Variants in PDE4D observed in about 807,000 individuals in gnomAD.
PDE4D encodes phosphodiesterase 4D.
Under a neutral mutation model 87.4 loss-of-function variants are expected in PDE4D, and 24 were observed. The observed-to-expected ratio is 0.27, with a 90% CI of 0.20 to 0.39. The LOEUF (loss-of-function observed/expected upper bound fraction) is 0.39. Among genes scored for constraint, PDE4D ranks in the 10% least tolerant of loss-of-function variants. The pLI, the probability that PDE4D is intolerant of heterozygous loss-of-function variation, is 1.00. For synonymous variants in PDE4D, 384 were observed against 383.2 expected, an observed-to-expected ratio of 1.00 and a Z score of -0.02; for missense variants, 714 against 1,041.0, an observed-to-expected ratio of 0.69 and a Z score of 4.32.
chr5:59,736,129 A>T (rs1286180046), intron 1 of PDE4D, among the ~76,000 whole-genome samples: 2 of 151,854 alleles, frequency 1.3e-5, no homozygotes, highest in Non-Finnish European at 2.9e-5. Flanking sequence ...TAATAATAAT[A>T]AATTAATTAA....
At chr5:59,223,476 C>T (rs1308453006) in intron 1 of PDE4D, among the ~76,000 whole-genome samples, 1 of 152,100 alleles carries the variant, frequency 6.6e-6, no homozygotes, top group Non-Finnish European at 1.5e-5. Flanking sequence ...TGATGCTTTG[C>T]CCTCAAGGGG....
chr5:60,477,732 A>T (rs988739442), intron 1 of PDE4D, among the ~76,000 whole-genome samples: 1 of 152,180 alleles, frequency 6.6e-6, no homozygotes. Flanking sequence ...TGTGTTGCCA[A>T]CTACCATTTT....
intron 1 of PDE4D, among the ~76,000 whole-genome samples, chr5:59,794,901 C>T (rs1325607618): frequency 6.6e-6 from 1 of 152,118 alleles, no homozygotes; most frequent in East Asian, 1.9e-4. Context: ...TCTTCTCCAG[C>T]CTGGGACACA....
chr5:60,055,074 C>T (rs556943208), intron 2 of PDE4D, among the ~76,000 whole-genome samples: 2 of 152,194 alleles, frequency 1.3e-5, no homozygotes, highest in South Asian at 2.1e-4. Context: ...TCAATAAACA[C>T]TGCCTTATGT....
chr5:59,424,744 G>A (rs1794958405), intron 1 of PDE4D, among the ~76,000 whole-genome samples: 1 of 152,166 alleles, frequency 6.6e-6, no homozygotes. Context: ...AATTAAAGAT[G>A]AGATGTGGGT....
rs566328314 is a variant in PDE4D, at chr5:59,295,461, A to G, written c.456-79493T>C. Among the ~76,000 whole-genome samples the G allele has an allele frequency of 2.2e-3, 331 of 152,154 alleles. 1 individual carries two copies. Among genetic ancestry groups the G allele is most frequent in the African/African-American group, 7.7e-3 (319 of 41,508 alleles). On this transcript the variant is annotated intron_variant, in intron 1 of 14. Coordinates refer to ENST00000340635, the MANE Select transcript of PDE4D (RefSeq NM_001104631.2). Reference sequence around the variant, plus strand: ...CTTTTGTTTTGATAGACTTGTCCTCATCTTTAACCTCCTACTGTTCTTCTA... The same window carrying G: ...CTTTTGTTTTGATAGACTTGTCCTCGTCTTTAACCTCCTACTGTTCTTCTA...
chr5:59,922,575 G>A (rs1230791650), intron 3 of PDE4D, among the ~76,000 whole-genome samples: 1 of 152,064 alleles, frequency 6.6e-6, no homozygotes, highest in Non-Finnish European at 1.5e-5. Flanking sequence ...CTTACCTCCT[G>A]GATGACATTT....
intron 1 of PDE4D, among the ~76,000 whole-genome samples, chr5:60,511,936 TATAAGTC>T (rs149044908): frequency 3.5e-4 from 53 of 152,296 alleles, no homozygotes; most frequent in African/African-American, 1.3e-3. Flanking sequence ...TAGGTGAAAA[TATAAGTC>T]GTAAGTCAAA....
chr5:59,315,483 G>T (rs747136178), intron 1 of PDE4D, among the ~76,000 whole-genome samples: 63 of 152,188 alleles, frequency 4.1e-4, no homozygotes, highest in Non-Finnish European at 6.2e-4. Context: ...ATATGTTAGG[G>T]TAGGTAGATA....
chr5:60,273,897 C>T (rs1751075985), intron 1 of PDE4D, among the ~76,000 whole-genome samples: 1 of 152,110 alleles, frequency 6.6e-6, no homozygotes, highest in Admixed American at 6.5e-5. Flanking sequence ...GAGATCTGGC[C>T]TGGCCACGGA....
intron 2 of PDE4D, chr5:60,147,629 G>A (rs1781124642): frequency 6.0e-5 from 18 of 298,578 alleles, no homozygotes; most frequent in South Asian, 4.8e-4. Flanking sequence ...CAGTTTCTAA[G>A]GATCAAGAAT....
intron 1 of PDE4D, among the ~76,000 whole-genome samples, chr5:60,414,968 G>T (rs1742361097): frequency 6.6e-6 from 1 of 152,210 alleles, no homozygotes; most frequent in Admixed American, 6.5e-5. Flanking sequence ...GAGTCTTAGG[G>T]TAATCATTTG....
At chr5:59,530,105 G>A (rs1236465485) in intron 1 of PDE4D, among the ~76,000 whole-genome samples, 1 of 152,184 alleles carries the variant, frequency 6.6e-6, no homozygotes, top group African/African-American at 2.4e-5. Flanking sequence ...CACATTTTGA[G>A]TAGCAAGGTA....
chr5:59,918,121 C>A (rs1455584401), intron 3 of PDE4D, among the ~76,000 whole-genome samples: 4 of 151,572 alleles, frequency 2.6e-5, no homozygotes, highest in African/African-American at 9.7e-5. Context: ...AAATATATAA[C>A]CATCATTTGA....
At chr5:60,291,445 T>G (rs1287452268) in intron 1 of PDE4D, among the ~76,000 whole-genome samples, 1 of 152,084 alleles carries the variant, frequency 6.6e-6, no homozygotes, top group Non-Finnish European at 1.5e-5. Flanking sequence ...GAAGAAAATT[T>G]TACTTTTCTA....
At chr5:60,322,404 ACACACACACAC>A (rs1562323145) in intron 1 of PDE4D, among the ~76,000 whole-genome samples, 65 of 141,494 alleles carry the variant, frequency 4.6e-4, no homozygotes, top group Non-Finnish European at 8.4e-4. Context: ...ACACACACAC[ACACACACACAC>A]AAAACCCTAA....
intron 3 of PDE4D, among the ~76,000 whole-genome samples, chr5:59,936,104 C>T (rs1163025523): frequency 3.3e-5 from 5 of 151,944 alleles, no homozygotes; most frequent in African/African-American, 1.2e-4. Flanking sequence ...AGCAAACTAT[C>T]GCAAGGACAA....
intron 3 of PDE4D, among the ~76,000 whole-genome samples, chr5:59,909,391 G>A (rs1015492041): frequency 2.4e-4 from 22 of 93,004 alleles, no homozygotes; most frequent in African/African-American, 1.9e-3. Flanking sequence ...AGCTCCTTAG[G>A]TGGATTTTTT....
intron 5 of PDE4D, among the ~76,000 whole-genome samples, chr5:59,066,987 G>GATTGATTTATTT (rs1554060295): frequency 6.4e-5 from 9 of 141,212 alleles, no homozygotes; most frequent in Non-Finnish European, 1.1e-4. Flanking sequence ...CCCAGCTCGT[G>GATTGATTTATTT]ATTTATTTAT....
Sources: gnomAD v4.1 joint callset for allele counts (sites outside exome capture counted in the v4.1 genomes callset) on GRCh38, gnomAD v4.1.1 for gene constraint, MANE v1.5 for transcripts, NCBI Gene and HGNC (gene_info 2026-07-23, HGNC 2026-07-21) for gene names.